The following ATP9A variants were observed in gnomAD, a reference collection of about 807,000 sequenced individuals.
The protein encoded by ATP9A is ATPase phospholipid transporting 9A.
ATP9A carries 52 observed loss-of-function variants against 144.1 expected under a neutral mutation model. The observed-to-expected ratio is 0.36, with a 90% CI of 0.29 to 0.45. ATP9A has a LOEUF of 0.45. Ranked by LOEUF, ATP9A falls within the 20% of genes least tolerant of loss-of-function variation. The pLI is 1.00. For missense variants in ATP9A, 947 were observed against 1,392.7 expected (o/e 0.68, Z 5.09); for synonymous variants, 582 against 557.4 (o/e 1.04, Z -0.62).
intron 26 of ATP9A, among the ~76,000 whole-genome samples, chr20:51,605,813 T>A (rs368659138): frequency 5.3e-5 from 8 of 151,034 alleles, no homozygotes; most frequent in Middle Eastern, 3.5e-3. Flanking sequence ...CTCGGGAGGC[T>A]GAGGCACGAG....
intron 1 of ATP9A, among the ~76,000 whole-genome samples, chr20:51,754,009 T>C (rs1377899300): frequency 2.0e-5 from 3 of 151,936 alleles, no homozygotes; most frequent in Non-Finnish European, 4.4e-5. Context: ...ATGTACTCAT[T>C]TTTCAATTAG....
chr20:51,634,989 T>C (rs1046826755), intron 15 of ATP9A, among the ~76,000 whole-genome samples: 2 of 150,918 alleles, frequency 1.3e-5, no homozygotes, highest in African/African-American at 4.9e-5. Flanking sequence ...TGGCTCGCAA[T>C]GCCCCCCACC....
chr20:51,630,064 G>A (rs1017543986), intron 15 of ATP9A, among the ~76,000 whole-genome samples: 3 of 152,232 alleles, frequency 2.0e-5, no homozygotes, highest in Non-Finnish European at 2.9e-5. Flanking sequence ...GTGTCACAAC[G>A]CAGGCAATGT....
intron 15 of ATP9A, among the ~76,000 whole-genome samples, chr20:51,638,125 CT>C (rs1457090682): frequency 5.8e-5 from 4 of 68,682 alleles, no homozygotes; most frequent in Non-Finnish European, 1.2e-4. Flanking sequence ...ATATATATAT[CT>C]CATAGTTCCT....
chr20:51,762,549 C>A (rs1282865921), intron 1 of ATP9A, among the ~76,000 whole-genome samples: 3 of 151,286 alleles, frequency 2.0e-5, no homozygotes. Context: ...ATCCCAGCTA[C>A]GCAGGAGGCC....
At chr20:51,688,940 A>G (rs2077535306) in intron 9 of ATP9A, 124 bp downstream of exon 9, 3 of 1,066,574 alleles carry the variant, frequency 2.8e-6, no homozygotes, top group Non-Finnish European at 4.3e-6. Context: ...GAGGTGTCGG[A>G]ACAAGTGGAA....
intron 23 of ATP9A, among the ~76,000 whole-genome samples, chr20:51,610,872 T>G (rs2077182503): frequency 6.6e-6 from 1 of 152,202 alleles, no homozygotes; most frequent in African/African-American, 2.4e-5. Flanking sequence ...CAGATTATTT[T>G]TGCAATTAGA....
At chr20:51,699,022 A>G (rs2077582102) in intron 4 of ATP9A, among the ~76,000 whole-genome samples, 1 of 152,204 alleles carries the variant, frequency 6.6e-6, no homozygotes, top group Non-Finnish European at 1.5e-5. Context: ...TAACTTACAA[A>G]TGTTCAGCTA....
chr20:51,732,449 A>G (rs1050702571), intron 1 of ATP9A: 2 of 152,180 alleles, frequency 1.3e-5, no homozygotes, highest in Non-Finnish European at 2.9e-5. Flanking sequence ...GTGCTGGGGT[A>G]CAGAGCTAAG....
chr20:51,747,586 G>A (rs1025314807), intron 1 of ATP9A, among the ~76,000 whole-genome samples: 4 of 152,156 alleles, frequency 2.6e-5, no homozygotes, highest in Non-Finnish European at 4.4e-5. Context: ...ATAAGCCTAG[G>A]AAAAAGCACT....
At chr20:51,728,114 C>T (rs907932881) in intron 2 of ATP9A, among the ~76,000 whole-genome samples, 1 of 152,080 alleles carries the variant, frequency 6.6e-6, no homozygotes, top group East Asian at 1.9e-4. Context: ...TACTGTGTCT[C>T]GTTGAGGCTA....
intron 14 of ATP9A, among the ~76,000 whole-genome samples, chr20:51,655,252 C>T (rs1302705111): frequency 6.6e-6 from 1 of 152,080 alleles, no homozygotes; most frequent in Non-Finnish European, 1.5e-5. Context: ...AGGATACAAA[C>T]TATATCAATA....
At chr20:51,607,040 AATAT>A (rs984744451) in intron 26 of ATP9A, among the ~76,000 whole-genome samples, 1 of 151,278 alleles carries the variant, frequency 6.6e-6, no homozygotes, top group Admixed American at 6.6e-5. Flanking sequence ...TAAATAAATA[AATAT>A]ATATATGTAA....
Position 51,605,118 on chromosome 20 carries a change from A to G in ATP9A, c.2804-98T>C, listed in dbSNP as rs1353422416. On this transcript the variant is annotated intron_variant, in intron 26 of 27. Transcript: ENST00000338821. Reference sequence around the variant, plus strand: ...TCCTTTCCGCAGTTTTCATTTAGACATGAAAGGCATCACTTGTTACATGAG... The same window carrying G: ...TCCTTTCCGCAGTTTTCATTTAGACGTGAAAGGCATCACTTGTTACATGAG... 7 of 1,044,958 alleles carry G rather than the reference A, an allele frequency of 6.7e-6. No homozygotes were observed. The East Asian group carries it at 9.0e-5, about 13-fold the overall frequency. The allele number at this position is 1,044,958 out of a possible 1,614,324, so 64.7% of individuals were successfully genotyped here.
chr20:51,768,045 G>C (rs920713582), intron 1 of ATP9A, among the ~76,000 whole-genome samples: 14 of 152,124 alleles, frequency 9.2e-5, no homozygotes, highest in South Asian at 4.1e-4. Flanking sequence ...CCGGCTTCTC[G>C]GGGTTTCTAA....
At chr20:51,750,342 T>C (rs191532229) in intron 1 of ATP9A, among the ~76,000 whole-genome samples, 1 of 152,206 alleles carries the variant, frequency 6.6e-6, no homozygotes, top group Non-Finnish European at 1.5e-5. Flanking sequence ...CTCATTCTCC[T>C]GGGCCCTTTC....
chr20:51,748,353 G>A (rs1341297215), intron 1 of ATP9A, among the ~76,000 whole-genome samples: 1 of 152,150 alleles, frequency 6.6e-6, no homozygotes, highest in Non-Finnish European at 1.5e-5. Context: ...GAAGAGAGGA[G>A]GGAGGAGGAG....
At chr20:51,604,179 A>G (rs1250645991) in intron 27 of ATP9A, among the ~76,000 whole-genome samples, 1 of 122,280 alleles carries the variant, frequency 8.2e-6, no homozygotes, top group East Asian at 2.4e-4. Flanking sequence ...CTGTGCTCAC[A>G]CTCACTTAAT....
chr20:51,666,377 G>A (rs570172313), intron 13 of ATP9A, among the ~76,000 whole-genome samples: 1 of 152,230 alleles, frequency 6.6e-6, no homozygotes, highest in African/African-American at 2.4e-5. Context: ...GGGTTCCAAA[G>A]GCTGTACTTT....
Sources: allele counts gnomAD v4.1 joint callset (sites outside exome capture counted in the v4.1 genomes callset), GRCh38; gene constraint gnomAD v4.1.1; transcripts MANE v1.5; gene names NCBI Gene and HGNC (gene_info 2026-07-23, HGNC 2026-07-21).